SMARCD3: variants seen among roughly 807,000 people sequenced by gnomAD.
The protein encoded by SMARCD3 is SWI/SNF related BAF chromatin remodeling complex subunit D3.
Under a neutral mutation model 58.0 loss-of-function variants are expected in SMARCD3, and 14 were observed. The ratio of observed to expected loss-of-function variants is 0.24; its 90% CI spans 0.16 to 0.38. The LOEUF (loss-of-function observed/expected upper bound fraction) is 0.38, where lower values mean the gene tolerates loss of function less well. Among genes scored for constraint, SMARCD3 ranks in the 10% least tolerant of loss-of-function variants. The probability of loss-of-function intolerance (pLI) is 1.00; values close to 1 mark genes in which losing one functional copy is unlikely to be tolerated. For synonymous variants in SMARCD3, 253 were observed against 253.8 expected, an observed-to-expected ratio of 1.00 and a Z score of 0.03; for missense variants, 408 against 636.9, an observed-to-expected ratio of 0.64 and a Z score of 3.87.
chr7:151,266,936 C>A (rs1264703566), intron 2 of SMARCD3, among the ~76,000 whole-genome samples: 1 of 152,192 alleles, frequency 6.6e-6, no homozygotes, highest in Non-Finnish European at 1.5e-5. Flanking sequence ...TGGTCTTGAA[C>A]TTTTGGCGTG....
upstream of SMARCD3, among the ~76,000 whole-genome samples, chr7:151,250,382 T>G (rs1178029266): frequency 6.6e-6 from 1 of 151,736 alleles, no homozygotes; most frequent in African/African-American, 2.4e-5. Flanking sequence ...TGGGGATGGG[T>G]GGGTGGCCTG....
Position 151,239,531 on chromosome 7 carries a change from G to GAATCCCCTC in SMARCD3, c.1297-43_1297-35dup. 6.2e-7 allele frequency: 1 copy of GAATCCCCTC among 1,608,426 alleles called. No individual in the cohort carries two copies. The highest frequency in any genetic ancestry group is 8.5e-7 in the Non-Finnish European group (1 of 1,175,234). On this transcript the variant is annotated intron_variant, in intron 11 of 12. Transcript: ENST00000262188. This position sits in a 1 kb window ranked among gnomAD's most constrained non-coding sequence, Gnocchi z 7.0. Reference sequence around the variant, plus strand: ...GAGCGTGGGGTGAGCCCTGAGCCCTGAATCCCCTCACCTGCCCCTGGAGTA... The same window carrying GAATCCCCTC: ...GAGCGTGGGGTGAGCCCTGAGCCCTGAATCCCCTCAATCCCCTCACCTGCCCCTGGAGTA...
upstream of SMARCD3, chr7:151,248,720 C>CCTGACGG (rs1803398540): frequency 8.1e-7 from 1 of 1,228,078 alleles, no homozygotes; most frequent in Non-Finnish European, 1.0e-6. The surrounding 1 kb of genome is among the most constrained non-coding windows in gnomAD (Gnocchi z 6.1). Flanking sequence ...TCAGGGCTGC[C>CCTGACGG]CTGACGGCCC....
rs1191527493 is a variant in SMARCD3, at chr7:151,239,808, G to A, written c.1174-62C>T. On this transcript the variant is annotated intron_variant, in intron 10 of 12. Coordinates refer to ENST00000262188, the MANE Select transcript of SMARCD3 (RefSeq NM_001003801.2). The surrounding 1 kb of genome is among the most constrained non-coding windows in gnomAD (Gnocchi z 7.0). ...TGGTGATGTGGGAGACGAGGGGAAA[G>A]GAAGCGGGTGGGAAGGGGAGGGAGA... 6.4e-7 allele frequency: 1 copy of A among 1,568,094 alleles called. No individual in the cohort carries two copies. Among genetic ancestry groups the A allele is most frequent in the Non-Finnish European group, 8.8e-7 (1 of 1,141,340 alleles).
At chr7:151,272,384 T>G (rs1465612661) in intron 2 of SMARCD3, among the ~76,000 whole-genome samples, 1 of 152,200 alleles carries the variant, frequency 6.6e-6, no homozygotes, top group Non-Finnish European at 1.5e-5. Flanking sequence ...TCACTATATG[T>G]ATCTTTGCAA....
rs1245928616 is a variant in SMARCD3 at position 151,240,540 on chromosome 7, G to A, written c.940-18C>T. 6.4e-7 allele frequency: 1 copy of A among 1,558,418 alleles called. No individual in the cohort carries two copies. The highest frequency in any genetic ancestry group is 1.7e-5 in the Admixed American group (1 of 59,348). On this transcript the variant is annotated intron_variant, in intron 8 of 12. Transcript: ENST00000262188. Reference sequence around the variant, plus strand: ...TCAAAAATCTGAAGCAGGACAATTGGGGAGAGAGAGATCACTCTTCTTGAA... The same window carrying A: ...TCAAAAATCTGAAGCAGGACAATTGAGGAGAGAGAGATCACTCTTCTTGAA...
At position 151,245,686 on chromosome 7, in the gene SMARCD3, G is replaced by T; in HGVS notation, c.79-15C>A. ...ATCCCGGGGCGCTGGGGGTGGGCGG[G>T]GGTGAAGCAGAAACGGGCGCCCGTG... is the stretch of plus-strand genomic sequence containing the variant. On this transcript the variant is annotated splice_polypyrimidine_tract_variant and intron_variant, in intron 1 of 12. Transcript: ENST00000262188. This position sits in a 1 kb window ranked among gnomAD's most constrained non-coding sequence, Gnocchi z 6.2. 2.4e-6 allele frequency: 2 copies of T among 827,866 alleles called. No homozygotes were observed. Among genetic ancestry groups the T allele is most frequent in the South Asian group, 1.2e-4 (2 of 16,372 alleles). 51.3% of individuals were successfully genotyped at this position (827,866 alleles called of 1,614,324 possible).
Position 151,245,657 on chromosome 7 carries a change from C to T in SMARCD3, c.93G>A (p.Pro31=), listed in dbSNP as rs2150595639. The change falls in exon 2 of 13, where the codon CCG becomes CCA. Residue 31 remains proline, a synonymous_variant. Transcript: ENST00000262188. This position sits in a 1 kb window ranked among gnomAD's most constrained non-coding sequence, Gnocchi z 6.2. ...CCTGGTGGGGCATCCGGGCTCCAGACGGCATCCCGGGGCGCTGGGGGTGGG... is the reference window on the plus strand; with the variant it reads ...CCTGGTGGGGCATCCGGGCTCCAGATGGCATCCCGGGGCGCTGGGGGTGGG... The part of the protein sequence containing the change: ...FLVHGVRPGM[P]SGARMPHQGA... 2.2e-6 allele frequency: 2 copies of T among 921,146 alleles called. No homozygotes were observed. The highest frequency in any genetic ancestry group is 2.8e-6 in the Non-Finnish European group (2 of 721,242). 57.1% of individuals were successfully genotyped at this position (921,146 alleles called of 1,614,324 possible). A position where few individuals can be genotyped will look rare whatever the true frequency, so the allele number is the denominator to read the frequency against.
intron 2 of SMARCD3, among the ~76,000 whole-genome samples, chr7:151,263,962 T>C (rs77056733): frequency 0.084 from 12,782 of 152,208 alleles, 595 homozygotes; most frequent in Middle Eastern, 0.19. Context: ...CTCAAACTCA[T>C]TGGGTCCCTG....
chr7:151,255,039 A>G (rs1803656097), intron 2 of SMARCD3, among the ~76,000 whole-genome samples: 1 of 152,078 alleles, frequency 6.6e-6, no homozygotes, highest in Admixed American at 6.5e-5. Context: ...CAGGTCTGAC[A>G]CTGCACCTTC....
In SMARCD3 at chr7:151,239,425, C is replaced by T. The variant is rs1233110652; in HGVS notation, c.1369G>A (p.Glu457Lys). Residue 457 changes from glutamate to lysine, a missense_variant, in exon 12 of 13, where the codon GAG becomes AAG. Around this residue, in one of 4 missense-constraint regions of SMARCD3, gnomAD observed 81 missense variants for 109.7 expected, o/e 0.74. Coordinates refer to ENST00000262188, the MANE Select transcript of SMARCD3 (RefSeq NM_001003801.2). This position sits in a 1 kb window ranked among gnomAD's most constrained non-coding sequence, Gnocchi z 7.0. ...AEFYHQPWSQ[E>K]AVSRYFYCKI... ...CAGTAGAAGTAGCGACTGACGGCCT[C>T]CTGGGACCAGGGCTGGTGGTAGAAC... 1 of 1,613,784 alleles carries T rather than the reference C, an allele frequency of 6.2e-7. No homozygotes were observed. The highest frequency in any genetic ancestry group is 2.2e-5 in the East Asian group (1 of 44,870).
Position 151,241,848 on chromosome 7 carries a change from G to C in SMARCD3, c.777+29C>G. 4 of 1,573,048 alleles carry C rather than the reference G, an allele frequency of 2.5e-6. No homozygotes were observed. Among genetic ancestry groups the C allele is most frequent in the Non-Finnish European group, 3.5e-6 (4 of 1,149,612 alleles). ...CCCTGCCCTGAGGGCCTTGTGTGGC[G>C]TGTACGGGGCAGCATGGCAGGTGCA... is the stretch of plus-strand genomic sequence containing the variant. On this transcript the variant is annotated intron_variant, in intron 7 of 12. Coordinates refer to ENST00000262188, the MANE Select transcript of SMARCD3 (RefSeq NM_001003801.2). The surrounding 1 kb of genome is among the most constrained non-coding windows in gnomAD (Gnocchi z 5.3).
rs752296281 is a variant in SMARCD3 at position 151,242,763 on chromosome 7, C to G, written c.414G>C (p.Arg138=). ...GAGCCTCCTGGATGTCCACCCGCTT[C>G]CGCATGATGGTTTGATCCAGTTTCC... ...FERKLDQTIM[R]KRVDIQEALK... is the part of the protein sequence containing the mutation. Residue 138 remains arginine (R), a synonymous_variant, in exon 4 of 13, where the codon CGG becomes CGC. Transcript: ENST00000262188. The surrounding 1 kb of genome is among the most constrained non-coding windows in gnomAD (Gnocchi z 4.7). 3 of 1,614,152 alleles carry G rather than the reference C, an allele frequency of 1.9e-6. No individual in the cohort carries two copies. The South Asian group carries it at 3.3e-5, about 18-fold the overall frequency.
chr7:151,269,767 G>T (rs1206703276), intron 2 of SMARCD3, among the ~76,000 whole-genome samples: 1 of 152,212 alleles, frequency 6.6e-6, no homozygotes, highest in African/African-American at 2.4e-5. Context: ...CACTTGCAGT[G>T]GCGAGGGGCG....
At position 151,264,752 on chromosome 7, in the gene SMARCD3, G is replaced by A. The variant is rs189347373; in HGVS notation, c.39+10362C>T. Among the ~76,000 whole-genome samples the A allele has an allele frequency of 5.3e-4, 81 of 152,360 alleles. 1 individual carries two copies. The East Asian group carries it at 0.014, about 27-fold the overall frequency. ...CAGTGTTGGCAGCCAGCATGGGGCA[G>A]AAGCAGTGGTGGTGGCGGTGGAGGG... is the stretch of plus-strand genomic sequence containing the variant. On this transcript the variant is annotated intron_variant, in intron 2 of 13. Transcript: ENST00000356800.
intron 2 of SMARCD3, among the ~76,000 whole-genome samples, chr7:151,274,159 C>T (rs535104953): frequency 2.0e-5 from 3 of 152,364 alleles, no homozygotes; most frequent in African/African-American, 7.2e-5. Context: ...TCTCCAAGGC[C>T]GCAGGCCCTG....
At position 151,245,606 on chromosome 7, in the gene SMARCD3, G is replaced by T; in HGVS notation, c.144C>A (p.Ser48=). The T allele has an allele frequency of 8.5e-7, 1 of 1,181,788 alleles. No individual in the cohort carries two copies. Among genetic ancestry groups the T allele is most frequent in the Non-Finnish European group, 1.1e-6 (1 of 942,974 alleles). 73.2% of individuals were successfully genotyped at this position (1,181,788 alleles called of 1,614,324 possible). A position where few individuals can be genotyped will look rare whatever the true frequency, so the allele number is the denominator to read the frequency against. ...GCACGGCGGGGCTGCCCATGTACGG[G>T]GAGCCCGGGGGGCCCATGGGCGCCC... The part of the protein sequence containing the change: ...HQGAPMGPPG[S]PYMGSPAVRP... Residue 48 remains serine (S), a synonymous_variant, in exon 2 of 13, where the codon TCC becomes TCA. Transcript: ENST00000262188. This position sits in a 1 kb window ranked among gnomAD's most constrained non-coding sequence, Gnocchi z 6.2.
In SMARCD3 at chr7:151,248,591, C is replaced by G. The variant is rs762614646; in HGVS notation, c.-29G>C. The G allele has an allele frequency of 1.9e-6, 3 of 1,611,724 alleles. No individual in the cohort carries two copies. The highest frequency in any genetic ancestry group is 1.1e-5 in the South Asian group (1 of 90,992). ...GGTGGGCTCAGCGGCTCCTCTCACT[C>G]TCTCTCTCTCTTCCTCTTTCTTTCC... On this transcript the variant is annotated 5_prime_UTR_variant, in exon 1 of 13. Transcript: ENST00000262188. This position sits in a 1 kb window ranked among gnomAD's most constrained non-coding sequence, Gnocchi z 6.1.
rs1224873866 is a variant in SMARCD3 at position 151,239,784 on chromosome 7, G to A, written c.1174-38C>T. ...AGATAGATGCTTTCCACCTGGCTTT[G>A]GTGATGTGGGAGACGAGGGGAAAGG... On this transcript the variant is annotated intron_variant, in intron 10 of 12. Transcript: ENST00000262188. The surrounding 1 kb of genome is among the most constrained non-coding windows in gnomAD (Gnocchi z 7.0). 2 of 1,611,834 alleles carry A rather than the reference G, an allele frequency of 1.2e-6. No homozygotes were observed. The highest frequency in any genetic ancestry group is 2.7e-5 in the African/African-American group (2 of 74,814).
Sources: gnomAD v4.1 joint callset for allele counts (sites outside exome capture counted in the v4.1 genomes callset) on GRCh38, gnomAD v4.1.1 for gene constraint, gnomAD v4.1.1 regional missense constraint, Gnocchi (gnomAD v3.1) non-coding constraint, MANE v1.5 for transcripts, NCBI Gene and HGNC (gene_info 2026-07-23, HGNC 2026-07-21) for gene names.